The following SLC12A8 variants were observed in gnomAD, a reference collection of about 807,000 sequenced individuals.
SLC12A8 encodes the protein cation-chloride cotransporter 9.
SLC12A8 carries 69 observed loss-of-function variants against 75.6 expected under a neutral mutation model. The ratio of observed to expected loss-of-function variants is 0.91; its 90% CI spans 0.75 to 1.11. The LOEUF (loss-of-function observed/expected upper bound fraction) is 1.11, where lower values mean the gene tolerates loss of function less well. Among genes scored for constraint, SLC12A8 ranks in the 50% most tolerant of loss-of-function variants. SLC12A8 has a pLI of 0.00. For missense variants in SLC12A8, 877 were observed against 896.7 expected (o/e 0.98, Z 0.28); for synonymous variants, 365 against 372.8 (o/e 0.98, Z 0.24).
At chr3:125,211,822 G>A (rs917052024) in intron 1 of SLC12A8, among the ~76,000 whole-genome samples, 5 of 152,130 alleles carry the variant, frequency 3.3e-5, no homozygotes, top group Non-Finnish European at 5.9e-5. Context: ...ATGTAGCTGC[G>A]CCCTGAGCAG....
At position 125,177,759 on chromosome 3, in the gene SLC12A8, G is replaced by A. The variant is rs752066335; in HGVS notation, c.606C>T (p.Phe202=). 1 of 1,613,840 alleles carries A rather than the reference G, an allele frequency of 6.2e-7. No individual in the cohort carries two copies. Among genetic ancestry groups the A allele is most frequent in the Non-Finnish European group, 8.5e-7 (1 of 1,179,748 alleles). The change falls in exon 5 of 14, where the codon TTC becomes TTT. Residue 202 remains phenylalanine, a synonymous_variant. Transcript: ENST00000469902. The stretch of plus-strand genomic sequence containing the variant: ...AAGGCTTACCTGGGTCCAGGTGGGT[G>A]AAAGAACCCACCACAAAGTCCAGTG... The part of the protein sequence containing the change: ...VSTLDFVVGS[F]THLDPEHGFI...
intron 3 of SLC12A8, 136 bp downstream of exon 3, chr3:125,190,239 C>A: frequency 1.1e-6 from 1 of 918,834 alleles, no homozygotes; most frequent in Non-Finnish European, 1.7e-6. Context: ...AGCTATTCAT[C>A]GTGCTTGCTT....
At chr3:125,129,172 T>C (rs148827347) in intron 6 of SLC12A8, among the ~76,000 whole-genome samples, 2 of 152,330 alleles carry the variant, frequency 1.3e-5, no homozygotes, top group Non-Finnish European at 2.9e-5. Context: ...GTTTAGAATC[T>C]GGGAACAAGG....
chr3:125,208,824 A>AGAGAGAGAGAGAGAGC lies in SLC12A8; in HGVS notation c.51+2474_51+2475insGCTCTCTCTCTCTCTC, dbSNP rs144988140. On this transcript the variant is annotated intron_variant, in intron 2 of 13. Transcript: ENST00000469902. The stretch of plus-strand genomic sequence containing the variant: ...GAGAGAGAGAGAGAGAGAGAGAGAG[A>AGAGAGAGAGAGAGAGC]GCTACCCTATCTGGTCCTAAAATGA... 8.1e-3 allele frequency among the ~76,000 whole-genome samples: 1,029 copies of AGAGAGAGAGAGAGAGC among 127,392 alleles called. 24 individuals are homozygous for AGAGAGAGAGAGAGAGC. Among genetic ancestry groups the AGAGAGAGAGAGAGAGC allele is most frequent in the Non-Finnish European group, 0.012 (751 of 61,010 alleles). The allele number at this position is 127,392 out of a possible 152,430, so 83.6% of individuals were successfully genotyped here.
intron 7 of SLC12A8, chr3:125,119,951 C>A (rs1420003494): frequency 4.4e-6 from 2 of 456,132 alleles, no homozygotes; most frequent in Non-Finnish European, 4.4e-6. Flanking sequence ...GGTTACCCAG[C>A]CTGCTTGTGT....
intron 2 of SLC12A8, among the ~76,000 whole-genome samples, chr3:125,204,070 A>G (rs990863253): frequency 1.3e-5 from 2 of 152,252 alleles, no homozygotes; most frequent in African/African-American, 4.8e-5. Flanking sequence ...CTATTATCCA[A>G]AAAATGTAAA....
At chr3:125,141,173 GT>G (rs1339224470) in intron 5 of SLC12A8, among the ~76,000 whole-genome samples, 64 of 146,900 alleles carry the variant, frequency 4.4e-4, no homozygotes, top group African/African-American at 1.3e-3. Flanking sequence ...GGGGGGTGGG[GT>G]GGGGTGCGGG....
chr3:125,142,670 G>A (rs1241027532), intron 5 of SLC12A8, among the ~76,000 whole-genome samples: 1 of 152,216 alleles, frequency 6.6e-6, no homozygotes, highest in African/African-American at 2.4e-5. Context: ...TTTTGAGTCA[G>A]CGAGACCGGC....
At chr3:125,158,345 C>T (rs938129036) in intron 5 of SLC12A8, among the ~76,000 whole-genome samples, 3 of 152,036 alleles carry the variant, frequency 2.0e-5, no homozygotes, top group East Asian at 1.9e-4. Context: ...CTCAGCCTCC[C>T]GAGTAGCTGG....
At chr3:125,168,888 A>G (rs1934347807) in intron 5 of SLC12A8, among the ~76,000 whole-genome samples, 1 of 152,162 alleles carries the variant, frequency 6.6e-6, no homozygotes, top group Non-Finnish European at 1.5e-5. Flanking sequence ...TGCTACATTC[A>G]GCGTGAGATG....
At chr3:125,182,618 T>C (rs1397715241) in intron 4 of SLC12A8, among the ~76,000 whole-genome samples, 1 of 152,040 alleles carries the variant, frequency 6.6e-6, no homozygotes, top group Non-Finnish European at 1.5e-5. Context: ...GTGATTCTCC[T>C]GCCTCAGACT....
chr3:125,181,607 C>CAAAAAAAAAAAA (rs67602083), intron 4 of SLC12A8, among the ~76,000 whole-genome samples: 29 of 67,516 alleles, frequency 4.3e-4, no homozygotes, highest in Non-Finnish European at 5.8e-4. Context: ...GACTCCGTCT[C>CAAAAAAAAAAAA]AAAAAAAAAA....
rs11446379 is a variant in SLC12A8, at chr3:125,175,756, GA to G, written c.622+1986del. Reference sequence around the variant, plus strand: ...TCTCTGCAGGGTGGTACATGGCCAGGAAAAAAAAAAAAAAATCACTGTTTCC... The same window carrying G: ...TCTCTGCAGGGTGGTACATGGCCAGGAAAAAAAAAAAAAATCACTGTTTCC... On this transcript the variant is annotated intron_variant, in intron 5 of 13. Transcript: ENST00000469902. Among the ~76,000 whole-genome samples, 315 of 143,580 alleles carry G rather than the reference GA, an allele frequency of 2.2e-3. 2 individuals are homozygous for G. Among genetic ancestry groups the G allele is most frequent in the African/African-American group, 6.7e-3 (263 of 39,076 alleles). 94.2% of individuals were successfully genotyped at this position (143,580 alleles called of 152,430 possible).
chr3:125,140,177 C>G (rs1325562718), intron 5 of SLC12A8, among the ~76,000 whole-genome samples: 1 of 152,222 alleles, frequency 6.6e-6, no homozygotes, highest in Non-Finnish European at 1.5e-5. Context: ...TCCAAGGACA[C>G]CACAGGGCAA....
intron 2 of SLC12A8, among the ~76,000 whole-genome samples, chr3:125,190,832 C>T (rs1402534940): frequency 6.6e-6 from 1 of 152,230 alleles, no homozygotes; most frequent in Non-Finnish European, 1.5e-5. Flanking sequence ...CTCAAGTAGT[C>T]AGGGAGTCAG....
At chr3:125,128,420 T>C (rs535573048) in intron 6 of SLC12A8, among the ~76,000 whole-genome samples, 7 of 145,428 alleles carry the variant, frequency 4.8e-5, no homozygotes, top group Non-Finnish European at 7.5e-5. Flanking sequence ...GACCTCGTGA[T>C]CCGCCCGCCT....
intron 6 of SLC12A8, among the ~76,000 whole-genome samples, chr3:125,131,785 C>T (rs1933363990): frequency 6.6e-6 from 1 of 152,188 alleles, no homozygotes; most frequent in Non-Finnish European, 1.5e-5. Context: ...AGAAAGCTGG[C>T]CCTGGACAGG....
rs569005166 is a variant in SLC12A8 at position 125,176,290 on chromosome 3, C to CT, written c.622+1452_622+1453insA. Among the ~76,000 whole-genome samples, 54 of 152,240 alleles carry CT rather than the reference C, an allele frequency of 3.5e-4. 1 individual carries two copies. Among genetic ancestry groups the CT allele is most frequent in the Middle Eastern group, 6.8e-3 (2 of 294 alleles). ...TTCACCATGTTGGTCAGGCTGGTCTCAAACTCCTGACTTCAGGTGATCCAC... is the reference window on the plus strand; with the variant it reads ...TTCACCATGTTGGTCAGGCTGGTCTCTAAACTCCTGACTTCAGGTGATCCAC... On this transcript the variant is annotated intron_variant, in intron 5 of 13. Transcript: ENST00000469902.
intron 6 of SLC12A8, among the ~76,000 whole-genome samples, chr3:125,122,534 C>A (rs1201496658): frequency 6.6e-6 from 1 of 152,088 alleles, no homozygotes; most frequent in African/African-American, 2.4e-5. Flanking sequence ...GAACATAGAA[C>A]ATAGAAAATG....
Sources: allele counts gnomAD v4.1 joint callset (sites outside exome capture counted in the v4.1 genomes callset), GRCh38; gene constraint gnomAD v4.1.1; transcripts MANE v1.5; gene names NCBI Gene and HGNC (gene_info 2026-07-23, HGNC 2026-07-21).